PIWIL2: variants seen among roughly 807,000 people sequenced by gnomAD.
PIWIL2 encodes piwi-like protein 2.
PIWIL2 carries 81 observed loss-of-function variants against 116.5 expected under a neutral mutation model. The ratio of observed to expected loss-of-function variants is 0.70; its 90% CI spans 0.58 to 0.84. The LOEUF is 0.84. Among genes scored for constraint, PIWIL2 ranks in the 40% least tolerant of loss-of-function variants. The pLI, the probability that PIWIL2 is intolerant of heterozygous loss-of-function variation, is 0.00. For synonymous variants in PIWIL2, 489 were observed against 429.5 expected, an observed-to-expected ratio of 1.14 and a Z score of -1.71; for missense variants, 1,272 against 1,212.3, an observed-to-expected ratio of 1.05 and a Z score of -0.73.
intron 22 of PIWIL2, 106 bp downstream of exon 22, chr8:22,354,484 C>T: frequency 1.6e-6 from 1 of 611,012 alleles, no homozygotes; most frequent in Non-Finnish European, 2.9e-6. Context: ...CTTGACTTTT[C>T]TTCATATCTT....
chr8:22,276,743 T>C (rs1048779020), intron 1 of PIWIL2, among the ~76,000 whole-genome samples: 1 of 152,074 alleles, frequency 6.6e-6, no homozygotes, highest in Non-Finnish European at 1.5e-5. Flanking sequence ...TCTACAAATT[T>C]TTTTTAAAAA....
chr8:22,324,064 C>G (rs915921122), intron 20 of PIWIL2, among the ~76,000 whole-genome samples: 2 of 152,082 alleles, frequency 1.3e-5, no homozygotes, highest in Non-Finnish European at 2.9e-5. Context: ...GAGTTCAAGA[C>G]CAGCCTGACC....
chr8:22,346,340 C>T (rs920349390), intron 20 of PIWIL2, among the ~76,000 whole-genome samples: 5 of 152,198 alleles, frequency 3.3e-5, no homozygotes, highest in South Asian at 2.1e-4. Context: ...TTTTAGTTCC[C>T]GTGGTGGAAT....
chr8:22,311,813 C>A (rs4374997), intron 16 of PIWIL2, among the ~76,000 whole-genome samples: 101,228 of 152,084 alleles, frequency 0.67, 35,114 homozygotes, highest in East Asian at 0.87. Flanking sequence ...TAAATAAAAT[C>A]GAACAAGAGG....
At chr8:22,344,308 C>T (rs955520554) in intron 20 of PIWIL2, among the ~76,000 whole-genome samples, 1 of 152,110 alleles carries the variant, frequency 6.6e-6, no homozygotes, top group African/African-American at 2.4e-5. Flanking sequence ...TAGAACTGTA[C>T]AACACAAATA....
At chr8:22,283,858 T>C (rs962719407) in intron 5 of PIWIL2, among the ~76,000 whole-genome samples, 2 of 152,232 alleles carry the variant, frequency 1.3e-5, no homozygotes, top group Non-Finnish European at 2.9e-5. Context: ...AAGAATATCG[T>C]GACGCTTCAT....
At chr8:22,293,602 G>A (rs1433505151) in intron 10 of PIWIL2, among the ~76,000 whole-genome samples, 1 of 152,220 alleles carries the variant, frequency 6.6e-6, no homozygotes, top group African/African-American at 2.4e-5. Flanking sequence ...TGGGATTACA[G>A]GCATGAACCA....
chr8:22,297,317 T>A (rs1664935343), intron 10 of PIWIL2, among the ~76,000 whole-genome samples: 1 of 152,124 alleles, frequency 6.6e-6, no homozygotes, highest in Non-Finnish European at 1.5e-5. Context: ...GCAGTTTGAC[T>A]GTGTTGCCAA....
chr8:22,300,482 T>G (rs1831019902), intron 10 of PIWIL2, among the ~76,000 whole-genome samples: 1 of 152,216 alleles, frequency 6.6e-6, no homozygotes, highest in Admixed American at 6.5e-5. Flanking sequence ...GTACAAGTCT[T>G]TGTGTGGACT....
intron 20 of PIWIL2, among the ~76,000 whole-genome samples, chr8:22,324,642 G>C (rs1373514701): frequency 6.6e-6 from 1 of 152,222 alleles, no homozygotes; most frequent in Non-Finnish European, 1.5e-5. Context: ...CTTAGAGCTT[G>C]TTATGAGTTT....
At chr8:22,332,669 A>G (rs1201468043) in intron 20 of PIWIL2, among the ~76,000 whole-genome samples, 1 of 152,130 alleles carries the variant, frequency 6.6e-6, no homozygotes, top group Admixed American at 6.6e-5. Context: ...GTAAGCCACA[A>G]GATAATAATA....
chr8:22,305,632 A>G (rs1831158236), intron 12 of PIWIL2, among the ~76,000 whole-genome samples: 1 of 152,098 alleles, frequency 6.6e-6, no homozygotes, highest in African/African-American at 2.4e-5. Context: ...GCATTGTCTT[A>G]ACCATTGTCT....
intron 20 of PIWIL2, among the ~76,000 whole-genome samples, chr8:22,340,783 C>T (rs187735320): frequency 2.0e-5 from 3 of 152,232 alleles, no homozygotes; most frequent in South Asian, 2.1e-4. Flanking sequence ...TGCAGTGGCA[C>T]GATCGTAGCT....
At chr8:22,355,079 A>C (rs1323353722) in intron 22 of PIWIL2, among the ~76,000 whole-genome samples, 1 of 150,904 alleles carries the variant, frequency 6.6e-6, no homozygotes, top group Admixed American at 6.6e-5. Flanking sequence ...AAAAAAAAAA[A>C]CAAAACAAAA....
At chr8:22,285,839 T>A (rs532092656) in intron 6 of PIWIL2, among the ~76,000 whole-genome samples, 121 of 152,044 alleles carry the variant, frequency 8.0e-4, no homozygotes, top group Non-Finnish European at 1.5e-3. Context: ...GAGTCGGGGT[T>A]TTGCCATGTC....
chr8:22,276,469 C>G (rs1022880774), intron 1 of PIWIL2, among the ~76,000 whole-genome samples: 2 of 152,178 alleles, frequency 1.3e-5, no homozygotes, highest in African/African-American at 4.8e-5. Flanking sequence ...GCGCAGGCCA[C>G]CATGCCCAGC....
At chr8:22,322,346 G>A (rs1831618485) in intron 20 of PIWIL2, among the ~76,000 whole-genome samples, 2 of 151,862 alleles carry the variant, frequency 1.3e-5, no homozygotes, top group South Asian at 4.2e-4. Flanking sequence ...AACCTCCTGG[G>A]CTCAAGGGAT....
intron 20 of PIWIL2, among the ~76,000 whole-genome samples, chr8:22,344,579 T>G (rs938161403): frequency 2.0e-5 from 3 of 152,038 alleles, no homozygotes; most frequent in Admixed American, 2.0e-4. Context: ...ATCTAAAATT[T>G]AAAAGAGGCC....
At chr8:22,305,216 G>A (rs982399575) in intron 12 of PIWIL2, among the ~76,000 whole-genome samples, 1 of 83,108 alleles carries the variant, frequency 1.2e-5, no homozygotes, top group African/African-American at 3.4e-5. Flanking sequence ...TTTATTTGAC[G>A]GAGTCTGGCT....
Sources: allele counts gnomAD v4.1 joint callset (sites outside exome capture counted in the v4.1 genomes callset), GRCh38; gene constraint gnomAD v4.1.1; transcripts MANE v1.5; gene names NCBI Gene and HGNC (gene_info 2026-07-23, HGNC 2026-07-21).